Variants in KLF12 observed in about 807,000 individuals in gnomAD.
KLF12 encodes the protein KLF transcription factor 12.
Under a neutral mutation model 37.8 loss-of-function variants are expected in KLF12, and 9 were observed. That is an observed-to-expected ratio of 0.24 (90% CI 0.14 to 0.42). KLF12 has a LOEUF of 0.42. KLF12 is among the 10% of genes least tolerant of loss of function. The probability of loss-of-function intolerance (pLI) is 1.00; values close to 1 mark genes in which losing one functional copy is unlikely to be tolerated. For synonymous variants in KLF12, 208 were observed against 202.1 expected (o/e 1.03, Z -0.25); for missense variants, 411 against 516.0 (o/e 0.80, Z 1.97).
At chr13:74,040,622 CACTT>C (rs1893375764) in intron 1 of KLF12, among the ~76,000 whole-genome samples, 2 of 152,202 alleles carry the variant, frequency 1.3e-5, no homozygotes, top group Admixed American at 1.3e-4. Context: ...TGGAAAAACT[CACTT>C]AGACACAATG....
chr13:74,090,028 G>A (rs1323568712), intron 1 of KLF12, among the ~76,000 whole-genome samples: 1 of 151,994 alleles, frequency 6.6e-6, no homozygotes, highest in Admixed American at 6.6e-5. Flanking sequence ...TCTTGATCTT[G>A]TATATAGAAA....
the KLF12 span, among the ~76,000 whole-genome samples, chr13:74,146,452 G>C: frequency 6.6e-6 from 1 of 152,078 alleles, no homozygotes; most frequent in Non-Finnish European, 1.5e-5. Flanking sequence ...ACAGTACAAA[G>C]CTTGAAAAAA....
At chr13:74,185,265 T>C in the KLF12 span, among the ~76,000 whole-genome samples, 3,373 of 152,294 alleles carry the variant, frequency 0.022, 125 homozygotes, top group African/African-American at 0.074. Context: ...TTTAGGTCCT[T>C]CTCTCCTATC....
At chr13:73,848,497 C>T (rs1305215553) in intron 3 of KLF12, among the ~76,000 whole-genome samples, 1 of 150,310 alleles carries the variant, frequency 6.7e-6, no homozygotes, top group Non-Finnish European at 1.5e-5. Context: ...TTCATAACAA[C>T]ATCTTGTTGC....
At chr13:74,143,208 C>G in the KLF12 span, among the ~76,000 whole-genome samples, 1 of 151,880 alleles carries the variant, frequency 6.6e-6, no homozygotes, top group Non-Finnish European at 1.5e-5. Context: ...TTCTTACTCT[C>G]TCTCTCTCTC....
At chr13:73,747,937 A>G (rs1878484022) in intron 6 of KLF12, among the ~76,000 whole-genome samples, 1 of 152,212 alleles carries the variant, frequency 6.6e-6, no homozygotes, top group African/African-American at 2.4e-5. Flanking sequence ...GGTATCTATG[A>G]ACTGTGTGAA....
At chr13:73,862,475 T>A (rs1885979732) in intron 3 of KLF12, among the ~76,000 whole-genome samples, 1 of 152,190 alleles carries the variant, frequency 6.6e-6, no homozygotes, top group Admixed American at 6.5e-5. Flanking sequence ...CCTCAACTAT[T>A]AATGCAATAC....
At chr13:74,217,855 G>C in the KLF12 span, among the ~76,000 whole-genome samples, 1 of 152,212 alleles carries the variant, frequency 6.6e-6, no homozygotes, top group Non-Finnish European at 1.5e-5. Flanking sequence ...AGAATTGTGA[G>C]ATGACTTGTT....
rs1876228840 is a variant in KLF12 at position 73,721,330 on chromosome 13, G to T, written c.870-5805C>A. Among the ~76,000 whole-genome samples the T allele has an allele frequency of 2.0e-5, 3 of 151,790 alleles. No individual in the cohort carries two copies. The South Asian group carries it at 6.2e-4, about 32-fold the overall frequency. ...TTACAAACCAACATATGATAGAAGG[G>T]GAAAAAGCAACAAAATATCTATAGC... On this transcript the variant is annotated intron_variant, in intron 6 of 7. Coordinates refer to ENST00000377669, the MANE Select transcript of KLF12 (RefSeq NM_007249.5).
chr13:73,853,189 T>A (rs545271533), intron 3 of KLF12, among the ~76,000 whole-genome samples: 28 of 152,306 alleles, frequency 1.8e-4, no homozygotes, highest in African/African-American at 6.7e-4. Flanking sequence ...TGAATTGAAT[T>A]GAAAATGCTA....
chr13:73,818,216 G>A (rs1883340016), intron 4 of KLF12, among the ~76,000 whole-genome samples: 1 of 152,236 alleles, frequency 6.6e-6, no homozygotes, highest in African/African-American at 2.4e-5. Flanking sequence ...CGCGATCTCG[G>A]CTCACTGCAA....
intron 6 of KLF12, among the ~76,000 whole-genome samples, chr13:73,729,225 A>C (rs1236552682): frequency 6.6e-6 from 1 of 152,224 alleles, no homozygotes; most frequent in Non-Finnish European, 1.5e-5. Flanking sequence ...GTTTTAAAGT[A>C]TCATGTGTTA....
intron 6 of KLF12, among the ~76,000 whole-genome samples, chr13:73,751,286 G>C (rs1396271578): frequency 6.6e-6 from 1 of 152,160 alleles, no homozygotes; most frequent in African/African-American, 2.4e-5. Context: ...TCAAATGGTA[G>C]TTATATTTTT....
chr13:73,880,086 G>A (rs536454689), intron 3 of KLF12, among the ~76,000 whole-genome samples: 1 of 152,168 alleles, frequency 6.6e-6, no homozygotes, highest in East Asian at 1.9e-4. Flanking sequence ...GCTCCTTTGA[G>A]ACTCAGCTCA....
At chr13:74,185,323 A>G in the KLF12 span, among the ~76,000 whole-genome samples, 10 of 152,206 alleles carry the variant, frequency 6.6e-5, no homozygotes, top group Non-Finnish European at 1.3e-4. Flanking sequence ...TAAACTTTAG[A>G]AATCATAGAG....
chr13:74,050,316 T>TA (rs1872828315), intron 1 of KLF12, among the ~76,000 whole-genome samples: 1 of 152,214 alleles, frequency 6.6e-6, no homozygotes, highest in Non-Finnish European at 1.5e-5. Context: ...GTATAAATGT[T>TA]AAGATATTTT....
chr13:74,192,632 C>A, the KLF12 span, among the ~76,000 whole-genome samples: 1 of 152,160 alleles, frequency 6.6e-6, no homozygotes, highest in Admixed American at 6.5e-5. Flanking sequence ...TAGTTTGACA[C>A]ACATATTTTG....
the KLF12 span, among the ~76,000 whole-genome samples, chr13:74,270,838 T>G: frequency 6.6e-6 from 1 of 152,032 alleles, no homozygotes; most frequent in African/African-American, 2.4e-5. Flanking sequence ...TCACTCTGGG[T>G]AGTTAGGGTT....
In KLF12 at chr13:73,689,010, T is replaced by C. The variant is rs1246314307; in HGVS notation, c.*6480A>G. The C allele has an allele frequency of 6.6e-6, 1 of 152,180 alleles. No individual in the cohort carries two copies. Among genetic ancestry groups the C allele is most frequent in the Non-Finnish European group, 1.5e-5 (1 of 68,034 alleles). 9.4% of individuals were successfully genotyped at this position (152,180 alleles called of 1,614,324 possible). On this transcript the variant is annotated 3_prime_UTR_variant, in exon 8 of 8. Coordinates refer to ENST00000377669, the MANE Select transcript of KLF12 (RefSeq NM_007249.5). ...TAAAGTGTAGAAATGTTGTACAGGT[T>C]GCAGGTAACGTATCTAAAAATTGCC... is the stretch of plus-strand genomic sequence containing the variant.
Sources: gnomAD v4.1 joint callset for allele counts (sites outside exome capture counted in the v4.1 genomes callset) on GRCh38, gnomAD v4.1.1 for gene constraint, MANE v1.5 for transcripts, NCBI Gene and HGNC (gene_info 2026-07-23, HGNC 2026-07-21) for gene names.